MGAT4C: variants seen among roughly 807,000 people sequenced by gnomAD.
MGAT4C encodes alpha-1,3-mannosyl-glycoprotein 4-beta-N-acetylglucosaminyltransferase C.
MGAT4C carries 19 observed loss-of-function variants against 40.1 expected under a neutral mutation model. That is an observed-to-expected ratio of 0.47 (90% CI 0.33 to 0.70). MGAT4C has a LOEUF of 0.70. Ranked by LOEUF, MGAT4C falls within the 30% of genes least tolerant of loss-of-function variation. MGAT4C has a pLI of 0.02. For missense variants in MGAT4C, 491 were observed against 563.2 expected (o/e 0.87, Z 1.30); for synonymous variants, 181 against 187.1 (o/e 0.97, Z 0.27).
chr12:86,731,981 TTA>T (rs1950917869), intron 1 of MGAT4C, among the ~76,000 whole-genome samples: 1 of 152,154 alleles, frequency 6.6e-6, no homozygotes, highest in Non-Finnish European at 1.5e-5. Flanking sequence ...TGTTTTATGC[TTA>T]AAGGAGGGGC....
At chr12:86,338,092 T>C (rs1954828296) in intron 3 of MGAT4C, among the ~76,000 whole-genome samples, 1 of 152,130 alleles carries the variant, frequency 6.6e-6, no homozygotes, top group Non-Finnish European at 1.5e-5. Flanking sequence ...GAATAATTCA[T>C]GCAGAGCCCA....
At chr12:86,391,697 A>T (rs1956162960) in intron 3 of MGAT4C, among the ~76,000 whole-genome samples, 1 of 152,064 alleles carries the variant, frequency 6.6e-6, no homozygotes, top group South Asian at 2.1e-4. Context: ...TCTCTACTAA[A>T]AATACAAAAA....
intron 1 of MGAT4C, among the ~76,000 whole-genome samples, chr12:86,837,923 C>T (rs986824013): frequency 6.6e-6 from 1 of 152,110 alleles, no homozygotes; most frequent in African/African-American, 2.4e-5. Flanking sequence ...CCCATTTTAT[C>T]GGTTCTGTTG....
chr12:85,977,819 CACACACACACACACA>C lies in MGAT4C; in HGVS notation c.*1455_*1469del, dbSNP rs1275349935. The C allele has an allele frequency of 7.4e-6, 1 of 134,778 alleles. No individual in the cohort carries two copies. Among genetic ancestry groups the C allele is most frequent in the African/African-American group, 2.6e-5 (1 of 38,878 alleles). The allele number at this position is 134,778 out of a possible 1,614,324, so 8.3% of individuals were successfully genotyped here. A position where few individuals can be genotyped will look rare whatever the true frequency, so the allele number is the denominator to read the frequency against. On this transcript the variant is annotated 3_prime_UTR_variant, in exon 5 of 5. Coordinates refer to ENST00000611864, the MANE Select transcript of MGAT4C (RefSeq NM_001351288.2). ...ACACACACACACACACACACACACA[CACACACACACACACA>C]GAGTCATCTATATGAACACGTACTT... is the stretch of plus-strand genomic sequence containing the variant.
intron 2 of MGAT4C, among the ~76,000 whole-genome samples, chr12:86,490,119 T>A (rs1316152488): frequency 2.6e-5 from 4 of 151,956 alleles, no homozygotes; most frequent in Admixed American, 2.6e-4. Context: ...AACACATAAT[T>A]GTCAGATTCA....
chr12:86,329,909 A>G (rs1954620867), intron 4 of MGAT4C, among the ~76,000 whole-genome samples: 1 of 152,176 alleles, frequency 6.6e-6, no homozygotes, highest in South Asian at 2.1e-4. Context: ...AAATAAATGA[A>G]TGGATGCTTT....
chr12:86,301,439 ATC>A (rs1953809915), intron 4 of MGAT4C, among the ~76,000 whole-genome samples: 1 of 152,234 alleles, frequency 6.6e-6, no homozygotes, highest in African/African-American at 2.4e-5. Context: ...TACTATGGTT[ATC>A]ATGAGCTACA....
chr12:86,747,451 C>G (rs572498974), intron 1 of MGAT4C, among the ~76,000 whole-genome samples: 1 of 151,662 alleles, frequency 6.6e-6, no homozygotes, highest in South Asian at 2.1e-4. Flanking sequence ...ACTAGCTACT[C>G]ACGAATAATT....
At chr12:86,064,320 C>A (rs924535333) in intron 1 of MGAT4C, among the ~76,000 whole-genome samples, 1 of 152,118 alleles carries the variant, frequency 6.6e-6, no homozygotes, top group African/African-American at 2.4e-5. Flanking sequence ...GTGGAACTTG[C>A]AGTGAGCCAA....
At chr12:86,244,279 A>G (rs1335494597) in intron 1 of MGAT4C, among the ~76,000 whole-genome samples, 1 of 152,168 alleles carries the variant, frequency 6.6e-6, no homozygotes, top group African/African-American at 2.4e-5. Flanking sequence ...CAGCAGCTCG[A>G]GGGCTGTGTC....
chr12:86,132,791 C>CAAAAAAAAAAAAAAAA (rs60321690), intron 1 of MGAT4C, among the ~76,000 whole-genome samples: 1 of 93,730 alleles, frequency 1.1e-5, no homozygotes, highest in Non-Finnish European at 2.0e-5. Flanking sequence ...GACTCCGTCT[C>CAAAAAAAAAAAAAAAA]AAAAAAAAAA....
chr12:86,429,962 T>C (rs930005074), intron 3 of MGAT4C, among the ~76,000 whole-genome samples: 3 of 152,156 alleles, frequency 2.0e-5, no homozygotes, highest in African/African-American at 4.8e-5. Context: ...CTTTATTCCT[T>C]TATCTTTCTG....
intron 2 of MGAT4C, among the ~76,000 whole-genome samples, chr12:86,588,424 A>G (rs921599875): frequency 2.0e-5 from 3 of 152,056 alleles, no homozygotes; most frequent in African/African-American, 7.2e-5. Context: ...TGACCTACAA[A>G]GAGACTTAGA....
chr12:86,425,424 G>A (rs1395863845), intron 3 of MGAT4C, among the ~76,000 whole-genome samples: 7 of 151,980 alleles, frequency 4.6e-5, no homozygotes. Flanking sequence ...TGTCTCTCCT[G>A]CCAACATGTA....
At chr12:86,669,384 G>T (rs137895155) in intron 2 of MGAT4C, among the ~76,000 whole-genome samples, 1 of 152,104 alleles carries the variant, frequency 6.6e-6, no homozygotes, top group Non-Finnish European at 1.5e-5. Flanking sequence ...TGTTTGCCTC[G>T]TTCAGCAGCC....
chr12:86,289,651 T>C (rs541503761), intron 4 of MGAT4C, among the ~76,000 whole-genome samples: 1 of 152,318 alleles, frequency 6.6e-6, no homozygotes, highest in South Asian at 2.1e-4. Flanking sequence ...CTAGGTATTT[T>C]ATTCCTTTTG....
chr12:86,505,295 T>C (rs1047819494), intron 2 of MGAT4C, among the ~76,000 whole-genome samples: 4 of 152,180 alleles, frequency 2.6e-5, no homozygotes, highest in Admixed American at 6.6e-5. Flanking sequence ...AGAATTCAGA[T>C]ACTAGTCTTC....
intron 1 of MGAT4C, among the ~76,000 whole-genome samples, chr12:86,740,148 G>A (rs1951046721): frequency 6.6e-6 from 1 of 150,944 alleles, no homozygotes; most frequent in Admixed American, 6.6e-5. Context: ...CAAATTCTTT[G>A]CAGACAATGT....
intron 3 of MGAT4C, among the ~76,000 whole-genome samples, chr12:86,390,948 A>G (rs1174751831): frequency 2.6e-5 from 4 of 152,158 alleles, no homozygotes; most frequent in Non-Finnish European, 4.4e-5. Context: ...TCATGCATTA[A>G]TCTCATGGAA....
Sources: gnomAD v4.1 joint callset for allele counts (sites outside exome capture counted in the v4.1 genomes callset) on GRCh38, gnomAD v4.1.1 for gene constraint, MANE v1.5 for transcripts, NCBI Gene and HGNC (gene_info 2026-07-23, HGNC 2026-07-21) for gene names.